USP25: variants seen among roughly 807,000 people sequenced by gnomAD.
USP25 encodes the protein ubiquitin specific peptidase 25.
Under a neutral mutation model 158.5 loss-of-function variants are expected in USP25, and 85 were observed. The ratio of observed to expected loss-of-function variants is 0.54; its 90% CI spans 0.45 to 0.64. The LOEUF (loss-of-function observed/expected upper bound fraction) is 0.64, where lower values mean the gene tolerates loss of function less well. USP25 is among the 30% of genes least tolerant of loss of function. The pLI is 0.00. For synonymous variants in USP25, 464 were observed against 460.4 expected (o/e 1.01, Z -0.10); for missense variants, 1,242 against 1,327.3 (o/e 0.94, Z 1.00).
chr21:15,853,158 A>AT (rs963619728), intron 20 of USP25, among the ~76,000 whole-genome samples: 1 of 152,244 alleles, frequency 6.6e-6, no homozygotes, highest in African/African-American at 2.4e-5. Flanking sequence ...GAGACTTAAA[A>AT]TTTTTTTAAT....
In USP25 at chr21:15,848,176, A is replaced by T. The variant is rs78486390; in HGVS notation, c.2451+400A>T. On this transcript the variant is annotated intron_variant, in intron 19 of 25. Coordinates refer to ENST00000400183, the MANE Select transcript of USP25 (RefSeq NM_001283041.3). The stretch of plus-strand genomic sequence containing the variant: ...CTTTTCCCACTATCTCCTGCCAGAA[A>T]ATCCCACAGCATGATTGCAGGATGG... Among the ~76,000 whole-genome samples, 865 of 152,264 alleles carry T rather than the reference A, an allele frequency of 5.7e-3. 27 individuals are homozygous for T. In the East Asian group the frequency reaches 0.1, roughly 18 times the overall value.
chr21:15,747,691 A>G (rs532492146), intron 1 of USP25, among the ~76,000 whole-genome samples: 252 of 152,286 alleles, frequency 1.7e-3, no homozygotes, highest in Middle Eastern at 3.4e-3. Context: ...CACAGTGTGG[A>G]TATGTTGGAC....
chr21:15,810,186 T>C (rs963245795), intron 8 of USP25, among the ~76,000 whole-genome samples: 1 of 152,112 alleles, frequency 6.6e-6, no homozygotes, highest in East Asian at 1.9e-4. Flanking sequence ...CACCTGAACG[T>C]GAAGGGCCAG....
chr21:15,733,232 AT>A (rs2031142546), intron 1 of USP25, among the ~76,000 whole-genome samples: 1 of 144,160 alleles, frequency 6.9e-6, no homozygotes, highest in African/African-American at 2.6e-5. Context: ...GACCAAATTA[AT>A]TTACAGAGTG....
At chr21:15,825,840 G>A (rs2037474546) in intron 12 of USP25, among the ~76,000 whole-genome samples, 1 of 152,162 alleles carries the variant, frequency 6.6e-6, no homozygotes, top group Non-Finnish European at 1.5e-5. Context: ...AGTGGTAAAA[G>A]ATAGGAGGAT....
At chr21:15,791,388 T>A (rs956755875) in intron 4 of USP25, 114 bp from the exon 5 acceptor site, 1 of 1,143,734 alleles carries the variant, frequency 8.7e-7, no homozygotes, top group African/African-American at 1.6e-5. Context: ...TTAAATATTA[T>A]TTCTTCAAAT....
At chr21:15,769,530 T>C (rs987188690) in intron 3 of USP25, among the ~76,000 whole-genome samples, 2 of 152,128 alleles carry the variant, frequency 1.3e-5, no homozygotes, top group East Asian at 1.9e-4. Flanking sequence ...GTCCCTGGCT[T>C]AAATTGAGAA....
rs143875283 is a variant in USP25, at chr21:15,878,305, C to T, written c.3208C>T (p.His1070Tyr). The T allele has an allele frequency of 7.6e-4, 1,224 of 1,610,608 alleles. 2 individuals carry two copies. Among genetic ancestry groups the T allele is most frequent in the Non-Finnish European group, 9.5e-4 (1,115 of 1,178,230 alleles). ...GATTTAATTGTTTGTATTTGCAGCA[C>T]ACCTCCAAGAAAAGCTGACAGATTT... ...CSYLGQEMEP[H>Y]LQEKLTDFLP... Residue 1070 changes from histidine (H) to tyrosine (Y), a missense_variant and splice_region_variant, in exon 26 of 26, where the codon CAC (histidine) becomes TAC (tyrosine). His to Tyr is a moderately conservative substitution (Grantham distance 83). Coordinates refer to ENST00000400183, the MANE Select transcript of USP25 (RefSeq NM_001283041.3).
rs112142860 is a variant in USP25, at chr21:15,732,123, A to G, written c.45+1685A>G. 5.8e-3 allele frequency among the ~76,000 whole-genome samples: 884 copies of G among 152,336 alleles called. 8 individuals carry two copies. Among genetic ancestry groups the G allele is most frequent in the African/African-American group, 0.021 (859 of 41,570 alleles). On this transcript the variant is annotated intron_variant, in intron 1 of 25. Transcript: ENST00000400183. ...ATCAAGAATCAAGTTAACGAAAGTG[A>G]TCTTGGCTGTCGAGTCCAATTTCCT...
intron 4 of USP25, among the ~76,000 whole-genome samples, chr21:15,789,405 C>T (rs2035469899): frequency 6.6e-6 from 1 of 151,938 alleles, no homozygotes; most frequent in Non-Finnish European, 1.5e-5. Context: ...TGAACCATTT[C>T]CTGCTTATTG....
At chr21:15,787,494 C>T (rs1481738790) in intron 4 of USP25, among the ~76,000 whole-genome samples, 1 of 147,336 alleles carries the variant, frequency 6.8e-6, no homozygotes, top group African/African-American at 2.7e-5. Context: ...TGGAGTAAAT[C>T]TAAGAAATGT....
At chr21:15,823,160 C>A (rs554367733) in intron 10 of USP25, among the ~76,000 whole-genome samples, 1 of 152,010 alleles carries the variant, frequency 6.6e-6, no homozygotes, top group African/African-American at 2.4e-5. Context: ...GCAGCAGTTT[C>A]GCATATTGCA....
At position 15,877,981 on chromosome 21, in the gene USP25, A is replaced by G. The variant is rs756382719; in HGVS notation, c.3195A>G (p.Gln1065=). The G allele has an allele frequency of 3.7e-6, 6 of 1,608,924 alleles. No individual in the cohort carries two copies. Among genetic ancestry groups the G allele is most frequent in the Admixed American group, 1.7e-5 (1 of 58,654 alleles). ...ATCGATGGTGTTCCTACCTTGGTCA[A>G]GAAATGGAACGTAAGTTTAAACAAT... ...MRNRWCSYLG[Q]EMEPHLQEKL... The change falls in exon 25 of 26, where the codon CAA becomes CAG. Residue 1065 remains glutamine, a synonymous_variant. Coordinates refer to ENST00000400183, the MANE Select transcript of USP25 (RefSeq NM_001283041.3).
chr21:15,810,679 G>A (rs1399439754), intron 8 of USP25, among the ~76,000 whole-genome samples: 2 of 152,080 alleles, frequency 1.3e-5, no homozygotes, highest in Non-Finnish European at 2.9e-5. Context: ...GTTGTTTTTG[G>A]ATTTTTTTGG....
At chr21:15,735,319 T>C (rs73355475) in intron 1 of USP25, among the ~76,000 whole-genome samples, 3 of 152,212 alleles carry the variant, frequency 2.0e-5, no homozygotes, top group African/African-American at 7.2e-5. Flanking sequence ...GTTGCATCTG[T>C]ACTGAACATG....
At chr21:15,798,334 C>T (rs548812707) in intron 5 of USP25, among the ~76,000 whole-genome samples, 4 of 151,286 alleles carry the variant, frequency 2.6e-5, no homozygotes, top group African/African-American at 7.2e-5. Flanking sequence ...TTTAAAGCTC[C>T]GCAGTTTATT....
chr21:15,866,137 G>A (rs1441160509), intron 21 of USP25, 129 bp from the exon 22 acceptor site: 7 of 430,164 alleles, frequency 1.6e-5, no homozygotes, highest in Non-Finnish European at 2.3e-5. Flanking sequence ...TTATTTAGGA[G>A]TTGTTTCTAT....
chr21:15,786,263 A>G (rs1292162895), intron 4 of USP25, among the ~76,000 whole-genome samples: 1 of 152,176 alleles, frequency 6.6e-6, no homozygotes, highest in Non-Finnish European at 1.5e-5. Context: ...ATTAAAGAGG[A>G]GGGAATACTT....
At chr21:15,854,656 C>T (rs2039050160) in intron 20 of USP25, among the ~76,000 whole-genome samples, 2 of 152,094 alleles carry the variant, frequency 1.3e-5, no homozygotes. Context: ...ATAGTGATGC[C>T]ACTGTCAGCC....
Sources: allele counts gnomAD v4.1 joint callset (sites outside exome capture counted in the v4.1 genomes callset), GRCh38; gene constraint gnomAD v4.1.1; transcripts MANE v1.5; gene names NCBI Gene and HGNC (gene_info 2026-07-23, HGNC 2026-07-21).